Variants in COL4A2 observed in about 807,000 individuals in gnomAD.
COL4A2 encodes the protein collagen alpha-2(IV) chain.
COL4A2 carries 99 observed loss-of-function variants against 200.2 expected under a neutral mutation model. That is an observed-to-expected ratio of 0.49 (90% CI 0.42 to 0.58). The LOEUF (loss-of-function observed/expected upper bound fraction) is 0.58. Among genes scored for constraint, COL4A2 ranks in the 20% least tolerant of loss-of-function variants. The pLI, the probability that COL4A2 is intolerant of heterozygous loss-of-function variation, is 0.00. For synonymous variants in COL4A2, 897 were observed against 900.6 expected (o/e 1.00, Z 0.07); for missense variants, 1,950 against 2,314.1 (o/e 0.84, Z 3.23).
intron 20 of COL4A2, among the ~76,000 whole-genome samples, chr13:110,453,053 A>G (rs1478922752): frequency 6.6e-6 from 1 of 152,106 alleles, no homozygotes; most frequent in Non-Finnish European, 1.5e-5. Context: ...GGTATGAATC[A>G]CCACACCTGG....
At chr13:110,505,346 T>C (rs990351581) in intron 45 of COL4A2, among the ~76,000 whole-genome samples, 4 of 150,374 alleles carry the variant, frequency 2.7e-5, no homozygotes, top group African/African-American at 9.8e-5. Flanking sequence ...CGAGACTCCG[T>C]CTCAAAAAAA....
At chr13:110,369,194 A>G (rs1010044910) in intron 4 of COL4A2, among the ~76,000 whole-genome samples, 4 of 151,012 alleles carry the variant, frequency 2.6e-5, no homozygotes, top group Non-Finnish European at 1.5e-5. Flanking sequence ...CTGGTAATAG[A>G]GCGAGACTCT....
chr13:110,512,152 A>G lies in COL4A2; in HGVS notation c.5100A>G (p.Thr1700=), dbSNP rs1249710034. The change falls in exon 48 of 48, where the codon ACA becomes ACG. Residue 1700 remains threonine, a synonymous_variant. Transcript: ENST00000360467. ...ADTLKAGLIR[T]HISRCQVCMK... ...CGCTCAAGGCCGGCCTCATCCGCAC[A>G]CACATCAGCCGCTGCCAGGTGTGCA... The G allele has an allele frequency of 1.9e-6, 3 of 1,613,152 alleles. No homozygotes were observed. Among genetic ancestry groups the G allele is most frequent in the Non-Finnish European group, 2.5e-6 (3 of 1,180,006 alleles).
chr13:110,480,746 T>C (rs1882871102), intron 31 of COL4A2, among the ~76,000 whole-genome samples: 1 of 152,230 alleles, frequency 6.6e-6, no homozygotes, highest in Non-Finnish European at 1.5e-5. Flanking sequence ...GGTTATTTGG[T>C]GAATTTGAAA....
chr13:110,325,482 A>G (rs933927062), intron 3 of COL4A2, among the ~76,000 whole-genome samples: 4 of 152,216 alleles, frequency 2.6e-5, no homozygotes, highest in African/African-American at 9.7e-5. Flanking sequence ...TTAGAGATAA[A>G]AGCAAAGGTT....
At chr13:110,324,053 A>G (rs930109847) in intron 3 of COL4A2, among the ~76,000 whole-genome samples, 1 of 152,246 alleles carries the variant, frequency 6.6e-6, no homozygotes, top group African/African-American at 2.4e-5. Flanking sequence ...AAACTAATGC[A>G]AAATATGCTT....
At chr13:110,319,870 T>C (rs1885233738) in intron 3 of COL4A2, among the ~76,000 whole-genome samples, 1 of 152,192 alleles carries the variant, frequency 6.6e-6, no homozygotes, top group African/African-American at 2.4e-5. Flanking sequence ...TCCTTAGTCT[T>C]AGTCATCAGC....
intron 29 of COL4A2, among the ~76,000 whole-genome samples, chr13:110,474,056 A>G (rs1434246835): frequency 3.3e-5 from 5 of 152,124 alleles, no homozygotes; most frequent in African/African-American, 1.2e-4. Context: ...GAGCCCAGGA[A>G]TTGTAGATTG....
chr13:110,345,614 T>C (rs751637348), intron 3 of COL4A2, among the ~76,000 whole-genome samples: 3 of 152,174 alleles, frequency 2.0e-5, no homozygotes, highest in Admixed American at 1.3e-4. Flanking sequence ...TAACCTGATA[T>C]GGGCTCTCAA....
rs571251935 is a variant in COL4A2, at chr13:110,319,698, C to T, written c.99+11575C>T. Among the ~76,000 whole-genome samples, 5 of 152,302 alleles carry T rather than the reference C, an allele frequency of 3.3e-5. No homozygotes were observed. In the South Asian group the frequency reaches 1.0e-3, roughly 32 times the overall value. On this transcript the variant is annotated intron_variant, in intron 3 of 47. Transcript: ENST00000360467. ...CCTTTCTTCCTTATTTGGTAGTTGT[C>T]CTAATTGTAACAAGCATCCAAGTTA...
intron 4 of COL4A2, among the ~76,000 whole-genome samples, chr13:110,377,932 G>A (rs1171455602): frequency 6.6e-6 from 1 of 152,084 alleles, no homozygotes; most frequent in Non-Finnish European, 1.5e-5. Flanking sequence ...TCTCTTATTA[G>A]CAATCAAAAC....
At chr13:110,495,303 G>A in intron 39 of COL4A2, 39 bp from the exon 40 acceptor site, 1 of 1,613,614 alleles carries the variant, frequency 6.2e-7, no homozygotes, top group Non-Finnish European at 8.5e-7. Flanking sequence ...TGTATGGTTG[G>A]AAACACCGAC....
chr13:110,312,907 C>CA (rs1475548577), intron 3 of COL4A2, among the ~76,000 whole-genome samples: 2 of 152,308 alleles, frequency 1.3e-5, no homozygotes, highest in East Asian at 3.9e-4. Flanking sequence ...ATGGATCTCT[C>CA]AGGTGATCAA....
At position 110,463,984 on chromosome 13, in the gene COL4A2, G is replaced by T. The variant is rs1882133824; in HGVS notation, c.1777-1421G>T. ...GTCACTTTAGCCAGAAGAGGAGGAT[G>T]AGTGATGATTCCTGTGGTTGGAACA... On this transcript the variant is annotated intron_variant, in intron 24 of 47. Coordinates refer to ENST00000360467, the MANE Select transcript of COL4A2 (RefSeq NM_001846.4). 3.3e-5 allele frequency among the ~76,000 whole-genome samples: 5 copies of T among 152,358 alleles called. No individual in the cohort carries two copies. The South Asian group carries it at 1.0e-3, about 32-fold the overall frequency.
At chr13:110,421,791 A>T (rs1411751312) in intron 4 of COL4A2, among the ~76,000 whole-genome samples, 1 of 152,244 alleles carries the variant, frequency 6.6e-6, no homozygotes, top group Non-Finnish European at 1.5e-5. Flanking sequence ...TTTTCATTCC[A>T]AAGTCAGACT....
chr13:110,436,508 G>A lies in COL4A2; in HGVS notation c.825+141G>A, dbSNP rs550324767. On this transcript the variant is annotated intron_variant, in intron 13 of 47. Transcript: ENST00000360467. ...GCACATTACCCATGAAAACATAACC[G>A]GGTCCTCCCAGAATGTTTTCAACTC... The A allele has an allele frequency of 3.9e-5, 46 of 1,168,572 alleles. No individual in the cohort carries two copies. The East Asian group carries it at 4.2e-4, about 11-fold the overall frequency. The allele number at this position is 1,168,572 out of a possible 1,614,324, so 72.4% of individuals were successfully genotyped here. A position where few individuals can be genotyped will look rare whatever the true frequency, so the allele number is the denominator to read the frequency against.
chr13:110,492,842 A>G (rs946279567), intron 38 of COL4A2, among the ~76,000 whole-genome samples: 2 of 152,228 alleles, frequency 1.3e-5, no homozygotes, highest in African/African-American at 4.8e-5. Context: ...CCTAGGTAAC[A>G]TAAGAGTGCT....
intron 40 of COL4A2, among the ~76,000 whole-genome samples, chr13:110,500,989 G>C (rs1027398715): frequency 1.3e-5 from 2 of 152,212 alleles, no homozygotes; most frequent in African/African-American, 2.4e-5. Context: ...CAGAGACCAA[G>C]ACAAGGACAC....
chr13:110,375,187 T>C (rs1203060411), intron 4 of COL4A2, among the ~76,000 whole-genome samples: 1 of 152,190 alleles, frequency 6.6e-6, no homozygotes, highest in East Asian at 1.9e-4. Flanking sequence ...TGGCATCACA[T>C]TCCAGCCCTT....
Sources: gnomAD v4.1 joint callset for allele counts (sites outside exome capture counted in the v4.1 genomes callset) on GRCh38, gnomAD v4.1.1 for gene constraint, MANE v1.5 for transcripts, NCBI Gene and HGNC (gene_info 2026-07-23, HGNC 2026-07-21) for gene names.